FSHR: variants seen among roughly 807,000 people sequenced by gnomAD.
FSHR encodes follicle stimulating hormone receptor.
A neutral mutation model predicts 52.1 loss-of-function variants in FSHR; 46 were observed. The observed-to-expected ratio is 0.88, with a 90% CI of 0.70 to 1.13. The LOEUF is 1.13. Among genes scored for constraint, FSHR ranks in the 50% most tolerant of loss-of-function variants. The probability of loss-of-function intolerance (pLI) is 0.00; values close to 1 mark genes in which losing one functional copy is unlikely to be tolerated. For missense variants in FSHR, 964 were observed against 834.6 expected, an observed-to-expected ratio of 1.16 and a Z score of -1.91; for synonymous variants, 399 against 309.6, an observed-to-expected ratio of 1.29 and a Z score of -3.03.
chr2:49,109,011 G>A lies in FSHR; in HGVS notation c.153-40721C>T, dbSNP rs552632981. Among the ~76,000 whole-genome samples the A allele has an allele frequency of 3.9e-5, 6 of 152,266 alleles. No homozygotes were observed. The East Asian group carries it at 1.2e-3, about 29-fold the overall frequency. On this transcript the variant is annotated intron_variant, in intron 1 of 9. Coordinates refer to ENST00000406846, the MANE Select transcript of FSHR (RefSeq NM_000145.4). ...TAAGCACGCCTGCTGGGCTTAAAAT[G>A]TCAGAGGAGATGTCTTCACCGGGGA... is the stretch of plus-strand genomic sequence containing the variant.
At chr2:49,144,774 G>T (rs1471398895) in intron 1 of FSHR, among the ~76,000 whole-genome samples, 1 of 152,108 alleles carries the variant, frequency 6.6e-6, no homozygotes, top group African/African-American at 2.4e-5. Flanking sequence ...GTTTGTTGTT[G>T]ACTGTGGGTA....
At chr2:49,053,559 CT>C (rs1489693637) in intron 2 of FSHR, among the ~76,000 whole-genome samples, 1 of 152,124 alleles carries the variant, frequency 6.6e-6, no homozygotes, top group African/African-American at 2.4e-5. Context: ...TTAATGATTT[CT>C]TTTTTCCCCC....
In FSHR at chr2:49,074,075, T is replaced by C. The variant is rs190455787; in HGVS notation, c.153-5785A>G. ...AGAGACCTAAATATAAGACCTGAAATGATAAAACTACTAGAAGAAAATGTA... is the reference window on the plus strand; with the variant it reads ...AGAGACCTAAATATAAGACCTGAAACGATAAAACTACTAGAAGAAAATGTA... On this transcript the variant is annotated intron_variant, in intron 1 of 9. Coordinates refer to ENST00000406846, the MANE Select transcript of FSHR (RefSeq NM_000145.4). Among the ~76,000 whole-genome samples, 49 of 152,042 alleles carry C rather than the reference T, an allele frequency of 3.2e-4. No individual in the cohort carries two copies. In the East Asian group the frequency reaches 8.7e-3, roughly 27 times the overall value.
chr2:49,032,864 T>A (rs1668147958), intron 2 of FSHR, among the ~76,000 whole-genome samples: 1 of 152,200 alleles, frequency 6.6e-6, no homozygotes, highest in Non-Finnish European at 1.5e-5. Flanking sequence ...CATGATACAT[T>A]GTCTTTATTT....
In FSHR at chr2:48,962,875, A is replaced by C; in HGVS notation, c.1946T>G (p.Met649Arg). ...ILLSKCGCYE[M>R]QAQIYRTETS... ...TTCTGTCCTATAAATTTGGGCTTGC[A>C]TTTCATAGCAGCCACACTTGCTCAG... The change falls in exon 10 of 10, where the codon ATG (methionine) becomes AGG (arginine). Residue 649 changes from methionine to arginine, a missense_variant. By Grantham distance (91) the Met-to-Arg change is moderately conservative. Coordinates refer to ENST00000406846, the MANE Select transcript of FSHR (RefSeq NM_000145.4). 1.9e-6 allele frequency: 3 copies of C among 1,614,152 alleles called. No individual in the cohort carries two copies. The highest frequency in any genetic ancestry group is 1.7e-6 in the Non-Finnish European group (2 of 1,180,028).
At chr2:49,004,105 C>T (rs1238144776) in intron 4 of FSHR, among the ~76,000 whole-genome samples, 1 of 152,190 alleles carries the variant, frequency 6.6e-6, no homozygotes, top group Non-Finnish European at 1.5e-5. Flanking sequence ...GTCTGTGCCC[C>T]AGGCAGGCCC....
chr2:49,048,103 C>G (rs1668723358), intron 2 of FSHR, among the ~76,000 whole-genome samples: 1 of 152,028 alleles, frequency 6.6e-6, no homozygotes, highest in Admixed American at 6.6e-5. Flanking sequence ...CCAGGCTGGT[C>G]TCAAACTCCT....
intron 1 of FSHR, among the ~76,000 whole-genome samples, chr2:49,080,313 A>C (rs932954122): frequency 2.6e-5 from 4 of 152,210 alleles, no homozygotes; most frequent in Non-Finnish European, 5.9e-5. Context: ...AAAGTAGAAG[A>C]TACAAAATGC....
At chr2:49,153,480 T>C (rs1279563377) in intron 1 of FSHR, among the ~76,000 whole-genome samples, 1 of 152,184 alleles carries the variant, frequency 6.6e-6, no homozygotes, top group Admixed American at 6.5e-5. Context: ...GCCCGATTTC[T>C]ACTTTTGGCT....
At chr2:48,990,455 C>G in intron 5 of FSHR, 111 bp downstream of exon 5, 1 of 800,498 alleles carries the variant, frequency 1.2e-6, no homozygotes, top group Non-Finnish European at 2.2e-6. Flanking sequence ...TAACCCAGAG[C>G]AATACATTTG....
At chr2:48,965,052 C>A (rs1396748452) in intron 9 of FSHR, among the ~76,000 whole-genome samples, 2 of 151,510 alleles carry the variant, frequency 1.3e-5, no homozygotes, top group Non-Finnish European at 2.9e-5. Flanking sequence ...CCCCAAGGGG[C>A]AAGTTCACAG....
intron 1 of FSHR, among the ~76,000 whole-genome samples, chr2:49,126,116 AGGTGTCTTAATCTCTTTTGT>A (rs1671987131): frequency 6.6e-6 from 1 of 152,222 alleles, no homozygotes; most frequent in South Asian, 2.1e-4. Context: ...TAAGTTGGGA[AGGTGTCTTAATCTCTTTTGT>A]GGTGTTATAA....
chr2:49,032,590 G>C (rs892402072), intron 2 of FSHR, among the ~76,000 whole-genome samples: 7 of 152,210 alleles, frequency 4.6e-5, no homozygotes, highest in Non-Finnish European at 8.8e-5. Context: ...GCTAATAGCA[G>C]GTGCCCAGTA....
At chr2:49,104,078 C>T (rs186893999) in intron 1 of FSHR, among the ~76,000 whole-genome samples, 13 of 151,948 alleles carry the variant, frequency 8.6e-5, no homozygotes, top group African/African-American at 2.9e-4. Context: ...GTAATCATGC[C>T]AGTAAGAGTA....
chr2:49,070,147 G>C (rs1190630374), intron 1 of FSHR, among the ~76,000 whole-genome samples: 1 of 152,068 alleles, frequency 6.6e-6, no homozygotes, highest in African/African-American at 2.4e-5. Context: ...ACAGTTGAGG[G>C]CTATAGTTGT....
chr2:49,107,515 A>G lies in FSHR; in HGVS notation c.153-39225T>C, dbSNP rs115699182. Among the ~76,000 whole-genome samples, 1,184 of 152,066 alleles carry G rather than the reference A, an allele frequency of 7.8e-3. 16 individuals carry two copies. The highest frequency in any genetic ancestry group is 0.028 in the African/African-American group (1,139 of 41,374). ...TGTGTCTTAAAAATTACAGGTGTTTAATGAGTACTTACTGGAAAATAATTA... is the reference window on the plus strand; with the variant it reads ...TGTGTCTTAAAAATTACAGGTGTTTGATGAGTACTTACTGGAAAATAATTA... On this transcript the variant is annotated intron_variant, in intron 1 of 9. Coordinates refer to ENST00000406846, the MANE Select transcript of FSHR (RefSeq NM_000145.4).
At chr2:49,122,509 A>G (rs959480672) in intron 1 of FSHR, among the ~76,000 whole-genome samples, 19 of 151,904 alleles carry the variant, frequency 1.3e-4, no homozygotes, top group Admixed American at 7.9e-4. Flanking sequence ...TCTTGGATAC[A>G]CTCTTTCTTC....
chr2:48,970,633 C>T (rs1674702281), intron 8 of FSHR, among the ~76,000 whole-genome samples: 2 of 152,154 alleles, frequency 1.3e-5, no homozygotes, highest in Admixed American at 1.3e-4. Flanking sequence ...AGATACCAGG[C>T]ATGTGCTGAT....
At chr2:49,111,967 A>G (rs571207275) in intron 1 of FSHR, among the ~76,000 whole-genome samples, 1 of 152,324 alleles carries the variant, frequency 6.6e-6, no homozygotes, top group African/African-American at 2.4e-5. Flanking sequence ...CGTAATTTAT[A>G]GAAGAGGGAA....
Sources: gnomAD v4.1 joint callset for allele counts (sites outside exome capture counted in the v4.1 genomes callset) on GRCh38, gnomAD v4.1.1 for gene constraint, MANE v1.5 for transcripts, NCBI Gene and HGNC (gene_info 2026-07-23, HGNC 2026-07-21) for gene names.